ZNF385C: variants seen among roughly 807,000 people sequenced by gnomAD.
ZNF385C encodes zinc finger protein 385C, also known as CTD-2132N18.2.
ZNF385C carries 28 observed loss-of-function variants against 35.4 expected under a neutral mutation model. The ratio of observed to expected loss-of-function variants is 0.79; its 90% CI spans 0.59 to 1.08. The LOEUF (loss-of-function observed/expected upper bound fraction) is 1.08, where lower values mean the gene tolerates loss of function less well. Ranked by LOEUF, ZNF385C falls within the 50% of genes least tolerant of loss-of-function variation. The pLI, the probability that ZNF385C is intolerant of heterozygous loss-of-function variation, is 0.00. For synonymous variants in ZNF385C, 248 were observed against 248.2 expected, an observed-to-expected ratio of 1.00 and a Z score of 0.01; for missense variants, 605 against 595.6, an observed-to-expected ratio of 1.02 and a Z score of -0.16.
intron 1 of ZNF385C, among the ~76,000 whole-genome samples, chr17:42,066,559 AC>A (rs2143873964): frequency 6.6e-6 from 1 of 152,300 alleles, no homozygotes; most frequent in East Asian, 1.9e-4. Flanking sequence ...TTGTGCCCAG[AC>A]CATGAAATGA....
chr17:42,054,597 T>TTC (rs1555657398), intron 2 of ZNF385C, among the ~76,000 whole-genome samples: 6 of 149,720 alleles, frequency 4.0e-5, no homozygotes, highest in African/African-American at 1.5e-4. Context: ...TTTTTTTTTT[T>TTC]CTGAAGCAGT....
At chr17:42,092,930 CG>C (rs1244891844) in intron 1 of ZNF385C, among the ~76,000 whole-genome samples, 1 of 118,916 alleles carries the variant, frequency 8.4e-6, no homozygotes, top group Non-Finnish European at 1.8e-5. Flanking sequence ...GGCGGGGGTC[CG>C]GGGAAGGCTG....
At chr17:42,094,258 C>G (rs1348463315) in intron 1 of ZNF385C, among the ~76,000 whole-genome samples, 1 of 152,242 alleles carries the variant, frequency 6.6e-6, no homozygotes, top group African/African-American at 2.4e-5. Context: ...GCTAGTATTA[C>G]AGGCGTGAGC....
chr17:42,040,047 C>A, intron 2 of ZNF385C: 1 of 1,231,150 alleles, frequency 8.1e-7, no homozygotes, highest in South Asian at 4.1e-5. Context: ...GCTTAAACAG[C>A]GCGAAGTCGC....
At chr17:42,092,922 C>T (rs7211887) in intron 1 of ZNF385C, among the ~76,000 whole-genome samples, 15,056 of 92,156 alleles carry the variant, frequency 0.16, 1,534 homozygotes, top group African/African-American at 0.36. Flanking sequence ...GAGCGGGGGG[C>T]GGGGGTCCGG....
intron 2 of ZNF385C, 137 bp downstream of exon 2, chr17:42,062,670 C>A: frequency 2.4e-6 from 1 of 417,610 alleles, no homozygotes; most frequent in Non-Finnish European, 4.2e-6. Context: ...GCTTCAGACC[C>A]TAAGACCCCA....
At chr17:42,069,867 AC>A (rs1343818121) in intron 1 of ZNF385C, among the ~76,000 whole-genome samples, 1 of 151,420 alleles carries the variant, frequency 6.6e-6, no homozygotes, top group Non-Finnish European at 1.5e-5. Flanking sequence ...ACATGGTGAA[AC>A]CCCGTCTCTA....
rs1460258675 is a variant in ZNF385C, at chr17:42,031,625, T to C, written c.670A>G (p.Ser224Gly). The change falls in exon 5 of 9, where the codon AGT becomes GGT. Residue 224 changes from serine to glycine, a missense_variant. By Grantham distance (56) the Ser-to-Gly change is moderately conservative. Transcript: ENST00000692273. Reference protein sequence around the residue: ...LASGAPGEPQSKVPAAPPLGP... With the variant: ...LASGAPGEPQGKVPAAPPLGP... Reference sequence around the variant, plus strand: ...AGAAGAGCTCAGGACTGACCTTTACTCTGTGGCTCTCCAGGGGCTCCACTG... The same window carrying C: ...AGAAGAGCTCAGGACTGACCTTTACCCTGTGGCTCTCCAGGGGCTCCACTG... The C allele has an allele frequency of 1.4e-5, 22 of 1,550,440 alleles. No homozygotes were observed. Among genetic ancestry groups the C allele is most frequent in the Non-Finnish European group, 1.6e-5 (18 of 1,146,942 alleles).
intron 1 of ZNF385C, among the ~76,000 whole-genome samples, chr17:42,064,533 T>TTAAGTTA (rs1441949712): frequency 4.5e-4 from 69 of 152,186 alleles, no homozygotes; most frequent in Non-Finnish European, 9.0e-4. Flanking sequence ...AATGAGGTCA[T>TTAAGTTA]ACCGGTGGGC....
intron 1 of ZNF385C, among the ~76,000 whole-genome samples, 155 bp from the exon 2 acceptor site, chr17:42,063,213 G>A (rs531111913): frequency 6.6e-6 from 1 of 152,244 alleles, no homozygotes; most frequent in Admixed American, 6.5e-5. Context: ...CGCATAATGG[G>A]GTCTATTTCA....
chr17:42,044,727 C>A (rs1406674674), intron 2 of ZNF385C, among the ~76,000 whole-genome samples: 1 of 152,086 alleles, frequency 6.6e-6, no homozygotes, highest in Non-Finnish European at 1.5e-5. Flanking sequence ...GGTGAACACA[C>A]ACTCACACTC....
chr17:42,051,443 G>T (rs2053280599), intron 2 of ZNF385C, among the ~76,000 whole-genome samples: 1 of 152,038 alleles, frequency 6.6e-6, no homozygotes, highest in Non-Finnish European at 1.5e-5. Flanking sequence ...GGAGTCCAGA[G>T]GCCTGGGATG....
rs1422386023 is a variant in ZNF385C at position 42,090,317 on chromosome 17, C to T, written c.-3+8093G>A. Among the ~76,000 whole-genome samples the T allele has an allele frequency of 4.4e-5, 5 of 113,342 alleles. No individual in the cohort carries two copies. In the East Asian group the frequency reaches 1.4e-3, roughly 32 times the overall value. 74.4% of individuals were successfully genotyped at this position (113,342 alleles called of 152,430 possible). A position where few individuals can be genotyped will look rare whatever the true frequency, so the allele number is the denominator to read the frequency against. ...TTTTTTTTTTTTTGAGATGGAGTCTCGTTCTGTCGCCCAGGCTGGAGTGCA... is the reference window on the plus strand; with the variant it reads ...TTTTTTTTTTTTTGAGATGGAGTCTTGTTCTGTCGCCCAGGCTGGAGTGCA... On this transcript the variant is annotated intron_variant, in intron 1 of 8. Coordinates refer to ENST00000692273, the MANE Select transcript of ZNF385C (RefSeq NM_001392013.1).
chr17:42,027,558 T>TGC, intron 8 of ZNF385C, 60 bp downstream of exon 8: 2 of 204,816 alleles, frequency 9.8e-6, no homozygotes, highest in Non-Finnish European at 1.9e-5. Flanking sequence ...CATCTGGCCC[T>TGC]CCCAGCCCAC....
chr17:42,064,854 T>C (rs906521873), intron 1 of ZNF385C, among the ~76,000 whole-genome samples: 2 of 151,658 alleles, frequency 1.3e-5, no homozygotes, highest in Non-Finnish European at 2.9e-5. Flanking sequence ...CATGAGCCAC[T>C]GCACCCAGTG....
intron 1 of ZNF385C, among the ~76,000 whole-genome samples, chr17:42,077,416 G>A (rs1185791243): frequency 6.6e-6 from 1 of 152,154 alleles, no homozygotes; most frequent in Non-Finnish European, 1.5e-5. Flanking sequence ...GGCTCAGAGA[G>A]GTGAAGGAAC....
chr17:42,039,014 G>T (rs1345400912), intron 2 of ZNF385C: 1 of 152,234 alleles, frequency 6.6e-6, no homozygotes, highest in East Asian at 1.9e-4. Context: ...ATTTTGGGAG[G>T]CCGAGGCAGG....
intron 1 of ZNF385C, among the ~76,000 whole-genome samples, chr17:42,092,326 G>A (rs1309611273): frequency 3.3e-5 from 5 of 152,142 alleles, no homozygotes; most frequent in Admixed American, 1.3e-4. Context: ...TTGTGAACCT[G>A]GGAGGGGGAG....
intron 1 of ZNF385C, among the ~76,000 whole-genome samples, chr17:42,069,639 G>C (rs2053595841): frequency 6.6e-6 from 1 of 152,232 alleles, no homozygotes. Flanking sequence ...CTCCATGTCA[G>C]CCAACAGCCA....
Sources: gnomAD v4.1 joint callset for allele counts (sites outside exome capture counted in the v4.1 genomes callset) on GRCh38, gnomAD v4.1.1 for gene constraint, MANE v1.5 for transcripts, NCBI Gene and HGNC (gene_info 2026-07-23, HGNC 2026-07-21) for gene names.